Variants in ARL15 observed in about 807,000 individuals in gnomAD.
The protein encoded by ARL15 is ARF like GTPase 15, also known as ADP-ribosylation factor-like protein 15.
Under a neutral mutation model 25.2 loss-of-function variants are expected in ARL15, and 19 were observed. The observed-to-expected ratio is 0.75, with a 90% CI of 0.53 to 1.10. The LOEUF (loss-of-function observed/expected upper bound fraction) is 1.10, where lower values mean the gene tolerates loss of function less well. Ranked by LOEUF, ARL15 falls within the 50% of genes least tolerant of loss-of-function variation. The pLI is 0.00. For synonymous variants in ARL15, 94 were observed against 86.8 expected (o/e 1.08, Z -0.46); for missense variants, 220 against 246.0 (o/e 0.89, Z 0.71).
chr5:54,037,544 G>C (rs1046375287), intron 4 of ARL15, among the ~76,000 whole-genome samples: 1 of 152,066 alleles, frequency 6.6e-6, no homozygotes, highest in Non-Finnish European at 1.5e-5. Flanking sequence ...TTTACGTGAT[G>C]TCTAATGCCT....
chr5:54,091,056 G>A (rs1467506289), intron 4 of ARL15, among the ~76,000 whole-genome samples: 1 of 152,148 alleles, frequency 6.6e-6, no homozygotes, highest in African/African-American at 2.4e-5. Flanking sequence ...AAAACCAGAG[G>A]AATCTACTTT....
At chr5:54,105,317 C>T (rs186282519) in intron 4 of ARL15, among the ~76,000 whole-genome samples, 89 of 151,962 alleles carry the variant, frequency 5.9e-4, no homozygotes, top group African/African-American at 2.0e-3. Flanking sequence ...TAATGAAATG[C>T]TAATTTTTAT....
chr5:54,221,215 T>C (rs3797244), intron 1 of ARL15, among the ~76,000 whole-genome samples: 9,091 of 152,186 alleles, frequency 0.06, 697 homozygotes, highest in East Asian at 0.27. Flanking sequence ...CCTCAAGAGT[T>C]GTGGTACATT....
intron 3 of ARL15, among the ~76,000 whole-genome samples, chr5:54,149,819 C>A (rs528835268): frequency 2.0e-5 from 3 of 152,202 alleles, no homozygotes; most frequent in Non-Finnish European, 4.4e-5. Flanking sequence ...TAGAGCAAGA[C>A]AAGCACAGTA....
chr5:53,948,803 C>T (rs751166290), intron 4 of ARL15, among the ~76,000 whole-genome samples: 24 of 152,148 alleles, frequency 1.6e-4, no homozygotes, highest in Admixed American at 3.3e-4. Flanking sequence ...CTCAGCATTC[C>T]TTCACATTGA....
chr5:54,096,839 C>A (rs1298635288), intron 4 of ARL15, among the ~76,000 whole-genome samples: 1 of 152,112 alleles, frequency 6.6e-6, no homozygotes, highest in African/African-American at 2.4e-5. Context: ...CAGTTTTCTA[C>A]AGCTAAGTCT....
intron 4 of ARL15, among the ~76,000 whole-genome samples, chr5:53,888,476 G>A (rs2111886080): frequency 6.6e-6 from 1 of 152,120 alleles, no homozygotes; most frequent in East Asian, 1.9e-4. Context: ...TAGAGGTGGG[G>A]TCTAACCATG....
At chr5:54,096,815 A>G (rs1022947311) in intron 4 of ARL15, among the ~76,000 whole-genome samples, 3 of 152,192 alleles carry the variant, frequency 2.0e-5, no homozygotes, top group Admixed American at 2.0e-4. Context: ...AGGCAGGCCT[A>G]TCTACAAACA....
chr5:53,985,253 C>T (rs1365774197), intron 4 of ARL15, among the ~76,000 whole-genome samples: 1 of 152,146 alleles, frequency 6.6e-6, no homozygotes, highest in African/African-American at 2.4e-5. Context: ...CACACTCCTC[C>T]CCCTATCTCC....
chr5:54,252,962 T>C (rs1475477275), intron 1 of ARL15, among the ~76,000 whole-genome samples: 1 of 151,958 alleles, frequency 6.6e-6, no homozygotes, highest in Non-Finnish European at 1.5e-5. Flanking sequence ...TGAGCTCAGG[T>C]GATCCACCCG....
At chr5:54,235,495 CTT>C (rs35079877) in intron 1 of ARL15, among the ~76,000 whole-genome samples, 5 of 145,654 alleles carry the variant, frequency 3.4e-5, no homozygotes, top group Admixed American at 6.8e-5. Context: ...ATAGTTAAAC[CTT>C]TTTTTTTTTT....
chr5:54,001,843 G>A (rs1339483308), intron 4 of ARL15, among the ~76,000 whole-genome samples: 1 of 152,158 alleles, frequency 6.6e-6, no homozygotes, highest in Admixed American at 6.6e-5. Context: ...AAATAACTGA[G>A]GTCAAGTTCT....
At chr5:54,291,466 G>A (rs2112690426) in intron 1 of ARL15, among the ~76,000 whole-genome samples, 1 of 152,110 alleles carries the variant, frequency 6.6e-6, no homozygotes, top group African/African-American at 2.4e-5. Flanking sequence ...TTTTTATTTT[G>A]TATTATTTTT....
chr5:54,277,326 TCTTGTAACTAGATAAA>T (rs768029004), intron 1 of ARL15, among the ~76,000 whole-genome samples: 20 of 152,186 alleles, frequency 1.3e-4, no homozygotes, highest in Admixed American at 9.1e-4. Context: ...TACAAGCAAA[TCTTGTAACTAGATAAA>T]AGGATGATTT....
At chr5:54,127,005 C>T (rs942273315) in intron 3 of ARL15, among the ~76,000 whole-genome samples, 2 of 152,088 alleles carry the variant, frequency 1.3e-5, no homozygotes, top group Non-Finnish European at 2.9e-5. Flanking sequence ...CCCCACTTCC[C>T]CCACCCCACA....
chr5:54,137,651 T>C (rs139448931), intron 3 of ARL15, among the ~76,000 whole-genome samples: 1 of 152,358 alleles, frequency 6.6e-6, no homozygotes, highest in East Asian at 1.9e-4. Flanking sequence ...TCTTACCTAC[T>C]AGATTTCCTT....
At chr5:54,248,491 C>T (rs994604836) in intron 1 of ARL15, among the ~76,000 whole-genome samples, 1 of 152,182 alleles carries the variant, frequency 6.6e-6, no homozygotes, top group Non-Finnish European at 1.5e-5. Flanking sequence ...GTCTGCATGG[C>T]TTACTCCTAT....
At chr5:54,106,773 GAGA>G (rs1752601285) in intron 4 of ARL15, among the ~76,000 whole-genome samples, 1 of 152,030 alleles carries the variant, frequency 6.6e-6, no homozygotes, top group African/African-American at 2.4e-5. Flanking sequence ...ATTGACCACA[GAGA>G]CATAAACAAG....
chr5:54,039,066 C>T (rs10079598), intron 4 of ARL15, among the ~76,000 whole-genome samples: 8 of 152,154 alleles, frequency 5.3e-5, no homozygotes, highest in African/African-American at 1.9e-4. Flanking sequence ...TAGGTCTCTG[C>T]GATTCCAGCA....
Sources: gnomAD v4.1 joint callset for allele counts (sites outside exome capture counted in the v4.1 genomes callset) on GRCh38, gnomAD v4.1.1 for gene constraint, MANE v1.5 for transcripts, NCBI Gene and HGNC (gene_info 2026-07-23, HGNC 2026-07-21) for gene names.